The following TLE4 variants were observed in gnomAD, a reference collection of about 807,000 sequenced individuals.
TLE4 encodes the protein TLE family member 4, transcriptional corepressor.
A neutral mutation model predicts 92.8 loss-of-function variants in TLE4; 8 were observed. That is an observed-to-expected ratio of 0.09 (90% confidence interval 0.05 to 0.16). TLE4 has a LOEUF of 0.16. Among genes scored for constraint, TLE4 ranks in the 10% least tolerant of loss-of-function variants. TLE4 has a pLI of 1.00. For synonymous variants in TLE4, 371 were observed against 374.1 expected, an observed-to-expected ratio of 0.99 and a Z score of 0.10; for missense variants, 675 against 997.6, an observed-to-expected ratio of 0.68 and a Z score of 4.36.
chr9:79,636,031 A>ACTCTTCCAGC (rs2055705627), intron 6 of TLE4, among the ~76,000 whole-genome samples: 1 of 151,718 alleles, frequency 6.6e-6, no homozygotes, highest in South Asian at 2.1e-4. Context: ...CTTTAGCTAG[A>ACTCTTCCAGC]CTCTTCCAGC....
rs1287983444 is a variant in TLE4 at position 79,641,965 on chromosome 9, TA to T, written c.391-10622del. Among the ~76,000 whole-genome samples the T allele has an allele frequency of 2.0e-5, 3 of 151,568 alleles. No homozygotes were observed. The East Asian group carries it at 5.8e-4, about 29-fold the overall frequency. ...ATAGTGGACTTTTTTTTTTTTTAAT[TA>T]AAAAAGGGTATAGAAGACTATAGAA... On this transcript the variant is annotated intron_variant, in intron 6 of 19. Coordinates refer to ENST00000376552, the MANE Select transcript of TLE4 (RefSeq NM_007005.6).
chr9:79,723,272 C>A (rs1176895806), intron 19 of TLE4, among the ~76,000 whole-genome samples: 2 of 152,346 alleles, frequency 1.3e-5, no homozygotes, highest in South Asian at 2.1e-4. Flanking sequence ...TCAGTGCTCA[C>A]TGTTGCTTCA....
chr9:79,702,759 A>G (rs1477531487), intron 8 of TLE4, among the ~76,000 whole-genome samples: 2 of 152,052 alleles, frequency 1.3e-5, no homozygotes, highest in Non-Finnish European at 2.9e-5. Context: ...GTGGGCACCC[A>G]CTCACTGGTC....
At chr9:79,703,760 A>G (rs571515382) in intron 8 of TLE4, among the ~76,000 whole-genome samples, 1 of 152,286 alleles carries the variant, frequency 6.6e-6, no homozygotes, top group East Asian at 1.9e-4. Flanking sequence ...GGGTTCATGA[A>G]AACTATAGGA....
At chr9:79,592,314 T>TGCCC (rs2042909521) in intron 4 of TLE4, among the ~76,000 whole-genome samples, 1 of 147,590 alleles carries the variant, frequency 6.8e-6, no homozygotes, top group Non-Finnish European at 1.5e-5. Flanking sequence ...CTCACTCTGA[T>TGCCC]GCCCAGGCTG....
At chr9:79,592,183 C>CT (rs1564202590) in intron 4 of TLE4, among the ~76,000 whole-genome samples, 27 of 135,356 alleles carry the variant, frequency 2.0e-4, no homozygotes, top group Middle Eastern at 3.7e-3. Context: ...CTTCCTCTTC[C>CT]TCTTCTTCTT....
intron 10 of TLE4, among the ~76,000 whole-genome samples, 186 bp from the exon 11 acceptor site, chr9:79,706,561 A>G (rs986221561): frequency 2.0e-5 from 3 of 152,136 alleles, no homozygotes; most frequent in Admixed American, 6.5e-5. Flanking sequence ...TATAAATACT[A>G]TAATTTTGGG....
chr9:79,726,638 C>G lies in TLE4; in HGVS notation c.*1494C>G, dbSNP rs771510778. ...AGAAAGATTTTGATACTAAACTGTG[C>G]GTTGTACATAGTTCTAATGCATTGT... On this transcript the variant is annotated 3_prime_UTR_variant, in exon 20 of 20. Coordinates refer to ENST00000376552, the MANE Select transcript of TLE4 (RefSeq NM_007005.6). The G allele has an allele frequency of 6.6e-6, 1 of 152,538 alleles. No individual in the cohort carries two copies. The highest frequency in any genetic ancestry group is 1.5e-5 in the Non-Finnish European group (1 of 68,028). The allele number at this position is 152,538 out of a possible 1,614,324, so 9.4% of individuals were successfully genotyped here.
In TLE4 at chr9:79,705,896, A is replaced by G. The variant is rs1006595737; in HGVS notation, c.737A>G (p.Asp246Gly). The G allele has an allele frequency of 6.2e-7, 1 of 1,614,084 alleles. No individual in the cohort carries two copies. The highest frequency in any genetic ancestry group is 1.3e-5 in the African/African-American group (1 of 74,940). Residue 246 changes from aspartate to glycine, a missense_variant, in exon 10 of 20, where the codon GAT becomes GGT. By Grantham distance (94) the Asp-to-Gly change is moderately conservative (BLOSUM62 -1). Transcript: ENST00000376552. ...TCTCACTTGTCAATGCAGGACAGCG[A>G]TGGTGAGAAAAGTGATGACAACTTG... ...EKEIAARYDSDGEKSDDNLVV... is the reference protein window; with the variant it reads ...EKEIAARYDSGGEKSDDNLVV...
At chr9:79,588,585 A>T (rs1325150696) in intron 4 of TLE4, among the ~76,000 whole-genome samples, 2 of 152,150 alleles carry the variant, frequency 1.3e-5, no homozygotes, top group Non-Finnish European at 2.9e-5. Context: ...TAGTGGACTC[A>T]TTCATTGGTT....
intron 4 of TLE4, among the ~76,000 whole-genome samples, chr9:79,592,329 G>T (rs1383263439): frequency 4.9e-5 from 7 of 143,088 alleles, no homozygotes; most frequent in Non-Finnish European, 6.0e-5. Flanking sequence ...AGGCTGGAGT[G>T]CAGTGGCGTG....
chr9:79,665,810 A>G (rs2061299633), intron 8 of TLE4, among the ~76,000 whole-genome samples: 1 of 152,134 alleles, frequency 6.6e-6, no homozygotes, highest in Non-Finnish European at 1.5e-5. Flanking sequence ...AAATAATTTT[A>G]TTTGTTTTTT....
chr9:79,697,500 A>G (rs921533270), intron 8 of TLE4, among the ~76,000 whole-genome samples: 2 of 152,080 alleles, frequency 1.3e-5, no homozygotes, highest in African/African-American at 4.8e-5. Flanking sequence ...AGAGAGGGCA[A>G]CTAAGCTCCC....
At chr9:79,665,317 G>A (rs1239315851) in intron 8 of TLE4, among the ~76,000 whole-genome samples, 2 of 152,198 alleles carry the variant, frequency 1.3e-5, no homozygotes, top group Non-Finnish European at 2.9e-5. Context: ...GGGCAAACAG[G>A]CCTGTACTGC....
At chr9:79,573,474 C>T (rs999131113) in intron 1 of TLE4, 17 of 1,003,468 alleles carry the variant, frequency 1.7e-5, no homozygotes, top group South Asian at 3.6e-5. Flanking sequence ...CGGGGGCCTG[C>T]GGGCGGGAGT....
At chr9:79,592,473 G>A (rs1037596916) in intron 4 of TLE4, among the ~76,000 whole-genome samples, 2 of 151,394 alleles carry the variant, frequency 1.3e-5, no homozygotes, top group African/African-American at 2.4e-5. Context: ...ACTGTGTTTC[G>A]CCTTGTTGCC....
At chr9:79,645,143 C>G (rs964965986) in intron 6 of TLE4, among the ~76,000 whole-genome samples, 4 of 152,162 alleles carry the variant, frequency 2.6e-5, no homozygotes, top group Admixed American at 6.5e-5. Flanking sequence ...TTCAATTTGG[C>G]TCATTGTCCT....
At chr9:79,626,980 T>G (rs895408503) in intron 5 of TLE4, among the ~76,000 whole-genome samples, 35 of 152,330 alleles carry the variant, frequency 2.3e-4, no homozygotes, top group African/African-American at 8.4e-4. Flanking sequence ...AAACAATTTT[T>G]AAAAATTTTA....
At chr9:79,599,412 G>A (rs548499811) in intron 4 of TLE4, among the ~76,000 whole-genome samples, 10 of 152,250 alleles carry the variant, frequency 6.6e-5, no homozygotes, top group African/African-American at 1.4e-4. Flanking sequence ...GAGTTAATTC[G>A]TCTGGAGTGA....
Sources: allele counts gnomAD v4.1 joint callset (sites outside exome capture counted in the v4.1 genomes callset), GRCh38; gene constraint gnomAD v4.1.1; transcripts MANE v1.5; gene names NCBI Gene and HGNC (gene_info 2026-07-23, HGNC 2026-07-21).